TDRD1: variants seen among roughly 807,000 people sequenced by gnomAD.
TDRD1 encodes the protein tudor domain-containing protein 1.
TDRD1 carries 37 observed loss-of-function variants against 140.6 expected under a neutral mutation model. The observed-to-expected ratio is 0.26, with a 90% CI of 0.20 to 0.35. The LOEUF (loss-of-function observed/expected upper bound fraction) is 0.35. TDRD1 is among the 10% of genes least tolerant of loss of function. TDRD1 has a pLI of 1.00. For synonymous variants in TDRD1, 506 were observed against 475.7 expected (o/e 1.06, Z -0.83); for missense variants, 1,243 against 1,393.0 (o/e 0.89, Z 1.71).
At chr10:114,192,220 A>G (rs2120280683) in intron 3 of TDRD1, among the ~76,000 whole-genome samples, 1 of 149,160 alleles carries the variant, frequency 6.7e-6, no homozygotes, top group Middle Eastern at 3.6e-3. Context: ...TTTGGTGTCA[A>G]CTTTAAAACT....
chr10:114,189,817 A>G (rs543048381), intron 2 of TDRD1, among the ~76,000 whole-genome samples: 1 of 152,374 alleles, frequency 6.6e-6, no homozygotes, highest in African/African-American at 2.4e-5. Flanking sequence ...AATGCTGCAT[A>G]TAACTCAATG....
intron 11 of TDRD1, among the ~76,000 whole-genome samples, chr10:114,210,304 A>G (rs2035398451): frequency 6.6e-6 from 1 of 152,192 alleles, no homozygotes. Flanking sequence ...TAGGGACTAT[A>G]AAGAGTGTAT....
At chr10:114,215,726 C>T (rs2035777290) in intron 16 of TDRD1, among the ~76,000 whole-genome samples, 1 of 152,074 alleles carries the variant, frequency 6.6e-6, no homozygotes, top group Admixed American at 6.5e-5. Context: ...ATAAAATTTA[C>T]AGTTTTGAAG....
At chr10:114,227,758 T>C (rs2036520906) in intron 23 of TDRD1, 152 bp from the exon 24 acceptor site, 1 of 629,392 alleles carries the variant, frequency 1.6e-6, no homozygotes, top group South Asian at 2.0e-5. Context: ...ACCATGGTAG[T>C]AGATAATCTC....
At position 114,205,850 on chromosome 10, in the gene TDRD1, A is replaced by AAGTAACTTAGAC. The variant is rs2035065450; in HGVS notation, c.1298-393_1298-382dup. On this transcript the variant is annotated intron_variant, in intron 10 of 25. Transcript: ENST00000251864. ...TAGTCAATAATAATTGTACATTTTA[A>AAGTAACTTAGAC]AGTAACTTAGACTGTAATTGGATGA... is the stretch of plus-strand genomic sequence containing the variant. Among the ~76,000 whole-genome samples the AAGTAACTTAGAC allele has an allele frequency of 9.2e-5, 14 of 152,310 alleles. No individual in the cohort carries two copies. In the South Asian group the frequency reaches 2.9e-3, roughly 32 times the overall value.
intron 3 of TDRD1, among the ~76,000 whole-genome samples, chr10:114,197,177 C>T (rs1344808224): frequency 1.3e-5 from 2 of 151,966 alleles, no homozygotes; most frequent in Non-Finnish European, 2.9e-5. Flanking sequence ...TTTCTCAGCC[C>T]TACCTTCTTT....
chr10:114,204,385 G>C (rs981118175), intron 9 of TDRD1, among the ~76,000 whole-genome samples, 169 bp downstream of exon 9: 4 of 152,108 alleles, frequency 2.6e-5, no homozygotes, highest in Non-Finnish European at 4.4e-5. Flanking sequence ...CTACTGCCCA[G>C]GGTGAGAAAC....
intron 21 of TDRD1, among the ~76,000 whole-genome samples, chr10:114,224,416 G>A (rs1324663085): frequency 6.6e-6 from 1 of 152,128 alleles, no homozygotes; most frequent in Non-Finnish European, 1.5e-5. Context: ...CCGTTTTGCT[G>A]GGCACTCAGT....
intron 9 of TDRD1, 69 bp from the exon 10 acceptor site, chr10:114,204,653 A>G (rs2034984451): frequency 7.0e-7 from 1 of 1,428,214 alleles, no homozygotes; most frequent in South Asian, 1.4e-5. Flanking sequence ...ATTCTTTTAT[A>G]TACAAATAAT....
At chr10:114,203,969 C>A in intron 8 of TDRD1, 104 bp from the exon 9 acceptor site, 1 of 1,378,798 alleles carries the variant, frequency 7.3e-7, no homozygotes, top group East Asian at 2.4e-5. Flanking sequence ...TGCCTCAGAA[C>A]AGGAGCCTTT....
intron 11 of TDRD1, among the ~76,000 whole-genome samples, chr10:114,210,262 T>C (rs984518974): frequency 2.0e-5 from 3 of 152,232 alleles, no homozygotes; most frequent in Non-Finnish European, 4.4e-5. Context: ...TGAGACGATA[T>C]CTATTCCAAA....
At chr10:114,179,782 G>A (rs2032882670) in intron 1 of TDRD1, 1 of 152,190 alleles carries the variant, frequency 6.6e-6, no homozygotes, top group Non-Finnish European at 1.5e-5. Flanking sequence ...AGGAAAGGAA[G>A]ATGTGCTAGG....
In TDRD1 at chr10:114,213,404, T is replaced by G; in HGVS notation, c.1890T>G (p.Leu630=). 1.9e-6 allele frequency: 3 copies of G among 1,613,978 alleles called. No homozygotes were observed. The South Asian group carries it at 3.3e-5, about 18-fold the overall frequency. ...AAGCTATTTGTCTCATGAAAAAACT[T>G]GTACAGAACAAAATAATCACAGTGA... The change falls in exon 15 of 26, where the codon CTT becomes CTG. Residue 630 remains leucine, a synonymous_variant. Transcript: ENST00000251864.
chr10:114,224,407 C>T (rs569781198), intron 21 of TDRD1, among the ~76,000 whole-genome samples: 2 of 152,104 alleles, frequency 1.3e-5, no homozygotes, highest in African/African-American at 4.8e-5. Context: ...CTTTTTCTAC[C>T]GTTTTGCTGG....
At chr10:114,227,193 A>G (rs759292841) in exon 23 of TDRD1, 2 of 1,613,950 alleles carry the variant, frequency 1.2e-6, no homozygotes, top group Non-Finnish European at 1.7e-6. Context: ...ATACAGTGTC[A>G]GTTGAGAAAT....
exon 7 of TDRD1, chr10:114,203,094 C>G (rs1367515222): frequency 6.2e-7 from 1 of 1,613,652 alleles, no homozygotes; most frequent in Admixed American, 1.7e-5. Flanking sequence ...CTTGGAGTTA[C>G]TAAGGAAATA....
intron 11 of TDRD1, among the ~76,000 whole-genome samples, chr10:114,207,704 A>G (rs1371955571): frequency 1.3e-5 from 2 of 152,056 alleles, no homozygotes; most frequent in African/African-American, 2.4e-5. Flanking sequence ...AGGAGCTATA[A>G]TGGGAAAGGT....
At chr10:114,198,285 C>G (rs1388686093) in intron 3 of TDRD1, among the ~76,000 whole-genome samples, 1 of 152,128 alleles carries the variant, frequency 6.6e-6, no homozygotes, top group Non-Finnish European at 1.5e-5. Flanking sequence ...TCTGGACTCT[C>G]CACTATGCCT....
exon 23 of TDRD1, chr10:114,227,239 C>G: frequency 1.2e-6 from 2 of 1,614,128 alleles, no homozygotes; most frequent in South Asian, 1.1e-5. Context: ...AGCTGATAAG[C>G]TAGTGACATT....
Sources: gnomAD v4.1 joint callset for allele counts (sites outside exome capture counted in the v4.1 genomes callset) on GRCh38, gnomAD v4.1.1 for gene constraint, MANE v1.5 for transcripts, NCBI Gene and HGNC (gene_info 2026-07-23, HGNC 2026-07-21) for gene names.